The following LRRTM4 variants were observed in gnomAD, a reference collection of about 807,000 sequenced individuals.
The protein encoded by LRRTM4 is leucine rich repeat transmembrane neuronal 4.
In LRRTM4, 25 loss-of-function variants were observed where a neutral mutation model predicts 47.6. The observed-to-expected ratio is 0.53, with a 90% CI of 0.38 to 0.73. The LOEUF (loss-of-function observed/expected upper bound fraction) is 0.73, where lower values mean the gene tolerates loss of function less well. Among genes scored for constraint, LRRTM4 ranks in the 30% least tolerant of loss-of-function variants. LRRTM4 has a pLI of 0.00. For missense variants in LRRTM4, 638 were observed against 713.4 expected, an observed-to-expected ratio of 0.89 and a Z score of 1.20; for synonymous variants, 311 against 269.5, an observed-to-expected ratio of 1.15 and a Z score of -1.51.
intron 3 of LRRTM4, among the ~76,000 whole-genome samples, chr2:77,074,636 A>G (rs1286791846): frequency 6.6e-6 from 1 of 152,160 alleles, no homozygotes; most frequent in African/African-American, 2.4e-5. Context: ...TGTGAATTAT[A>G]GTCTACTACA....
At chr2:77,267,028 C>A (rs1171961811) in intron 3 of LRRTM4, among the ~76,000 whole-genome samples, 2 of 152,060 alleles carry the variant, frequency 1.3e-5, no homozygotes, top group African/African-American at 4.8e-5. Context: ...ACAAAAATAC[C>A]CTGCTTTCCT....
chr2:77,018,129 A>T (rs964687654), intron 3 of LRRTM4, among the ~76,000 whole-genome samples: 8 of 151,802 alleles, frequency 5.3e-5, no homozygotes, highest in Non-Finnish European at 1.2e-4. Context: ...TGTTTTTGAA[A>T]TCTAGTTTCA....
intron 3 of LRRTM4, among the ~76,000 whole-genome samples, chr2:77,467,669 T>A (rs1288384532): frequency 1.3e-5 from 2 of 152,190 alleles, no homozygotes; most frequent in African/African-American, 4.8e-5. Flanking sequence ...AGAGTGAGAT[T>A]GAGTTCATAC....
At chr2:76,920,765 C>G (rs62170329) in intron 3 of LRRTM4, among the ~76,000 whole-genome samples, 25,581 of 151,978 alleles carry the variant, frequency 0.17, 2,344 homozygotes, top group Admixed American at 0.23. Context: ...CTCAACAAAT[C>G]TTCTTTGCCT....
At chr2:77,469,901 T>A (rs1279713238) in intron 3 of LRRTM4, among the ~76,000 whole-genome samples, 1 of 152,176 alleles carries the variant, frequency 6.6e-6, no homozygotes, top group African/African-American at 2.4e-5. Flanking sequence ...TCTCCATTTT[T>A]AAGTGATTAT....
At chr2:76,865,155 A>G (rs1672430532) in intron 3 of LRRTM4, among the ~76,000 whole-genome samples, 1 of 152,162 alleles carries the variant, frequency 6.6e-6, no homozygotes, top group Non-Finnish European at 1.5e-5. Context: ...TGTTTTAAGA[A>G]GTCATTTATC....
chr2:77,334,851 A>G (rs1671103393), intron 3 of LRRTM4, among the ~76,000 whole-genome samples: 2 of 152,138 alleles, frequency 1.3e-5, no homozygotes, highest in African/African-American at 4.8e-5. Context: ...TCTAACCCCC[A>G]CTGGGCAGTT....
At chr2:77,456,418 G>C (rs1288938890) in intron 3 of LRRTM4, among the ~76,000 whole-genome samples, 1 of 152,004 alleles carries the variant, frequency 6.6e-6, no homozygotes, top group East Asian at 1.9e-4. Context: ...ACTAAAGTAG[G>C]CTAACTGTCC....
chr2:77,440,187 G>C (rs1675781560), intron 3 of LRRTM4, among the ~76,000 whole-genome samples: 1 of 152,158 alleles, frequency 6.6e-6, no homozygotes, highest in Admixed American at 6.5e-5. Context: ...GGCCGAGGCG[G>C]GCAGATCACG....
chr2:77,237,309 T>A (rs2103982242), intron 3 of LRRTM4, among the ~76,000 whole-genome samples: 1 of 152,174 alleles, frequency 6.6e-6, no homozygotes, highest in South Asian at 2.1e-4. Flanking sequence ...TTTACTCATT[T>A]CCTTTAGATT....
At chr2:77,478,784 C>T (rs747195850) in intron 3 of LRRTM4, among the ~76,000 whole-genome samples, 11 of 152,100 alleles carry the variant, frequency 7.2e-5, no homozygotes, top group Non-Finnish European at 1.5e-4. Flanking sequence ...GCTATAATTG[C>T]CACAGATGTA....
intron 3 of LRRTM4, among the ~76,000 whole-genome samples, chr2:77,383,192 A>G (rs1175109954): frequency 6.6e-6 from 1 of 152,114 alleles, no homozygotes; most frequent in Non-Finnish European, 1.5e-5. Flanking sequence ...GTAAAGTACT[A>G]ATAATTTTAT....
intron 3 of LRRTM4, among the ~76,000 whole-genome samples, chr2:76,806,331 C>T (rs1013310509): frequency 6.6e-6 from 1 of 152,178 alleles, no homozygotes; most frequent in Non-Finnish European, 1.5e-5. Flanking sequence ...CCTGTAATCT[C>T]AGCACTTTGG....
At position 76,807,443 on chromosome 2, in the gene LRRTM4, T is replaced by C. The variant is rs1271003694; in HGVS notation, c.1552-58527A>G. Among the ~76,000 whole-genome samples, 44 of 99,472 alleles carry C rather than the reference T, an allele frequency of 4.4e-4. 1 individual carries two copies. Among genetic ancestry groups the C allele is most frequent in the African/African-American group, 9.6e-4 (16 of 16,686 alleles). 65.3% of individuals were successfully genotyped at this position (99,472 alleles called of 152,430 possible). A position where few individuals can be genotyped will look rare whatever the true frequency, so the allele number is the denominator to read the frequency against. ...ATATATACATATATATATACGTATA[T>C]ACATATATATATATACATATATATA... On this transcript the variant is annotated intron_variant, in intron 3 of 3. Coordinates refer to ENST00000409884, the MANE Select transcript of LRRTM4 (RefSeq NM_001134745.3).
intron 3 of LRRTM4, among the ~76,000 whole-genome samples, chr2:76,910,818 G>A (rs1674027135): frequency 6.6e-6 from 1 of 152,052 alleles, no homozygotes; most frequent in African/African-American, 2.4e-5. Context: ...TTTTAACATT[G>A]GAATATATCT....
At position 76,783,449 on chromosome 2, in the gene LRRTM4, C is replaced by T. The variant is rs377500675; in HGVS notation, c.1552-34533G>A. ...GTGTTCAGTTTTGTGGTGTGAAATA[C>T]ATTTACATTGTTGTGCCACATCATG... On this transcript the variant is annotated intron_variant, in intron 3 of 3. Coordinates refer to ENST00000409884, the MANE Select transcript of LRRTM4 (RefSeq NM_001134745.3). Among the ~76,000 whole-genome samples the T allele has an allele frequency of 6.5e-4, 99 of 152,088 alleles. No individual in the cohort carries two copies. In the South Asian group the frequency reaches 0.02, roughly 31 times the overall value.
intron 3 of LRRTM4, among the ~76,000 whole-genome samples, chr2:76,997,602 G>A (rs1419858248): frequency 6.6e-6 from 1 of 152,082 alleles, no homozygotes; most frequent in Non-Finnish European, 1.5e-5. Context: ...TACCATCACT[G>A]TTTACAAAGA....
chr2:77,102,613 A>G (rs1670986819), intron 3 of LRRTM4, among the ~76,000 whole-genome samples: 1 of 152,226 alleles, frequency 6.6e-6, no homozygotes, highest in African/African-American at 2.4e-5. Context: ...AGGGCAGGTG[A>G]CAATTACAGT....
At chr2:77,299,877 G>A (rs937925439) in intron 3 of LRRTM4, among the ~76,000 whole-genome samples, 8 of 137,318 alleles carry the variant, frequency 5.8e-5, no homozygotes, top group Non-Finnish European at 1.2e-4. Flanking sequence ...TTTTTGAGAC[G>A]GGGTCTCGTT....
Sources: gnomAD v4.1 joint callset for allele counts (sites outside exome capture counted in the v4.1 genomes callset) on GRCh38, gnomAD v4.1.1 for gene constraint, MANE v1.5 for transcripts, NCBI Gene and HGNC (gene_info 2026-07-23, HGNC 2026-07-21) for gene names.